Variants in TMEM266 observed in about 807,000 individuals in gnomAD.
TMEM266 encodes the protein transmembrane protein 266.
TMEM266 carries 33 observed loss-of-function variants against 50.5 expected under a neutral mutation model. That is an observed-to-expected ratio of 0.65 (90% CI 0.50 to 0.87). TMEM266 has a LOEUF of 0.87. TMEM266 is among the 40% of genes least tolerant of loss of function. The pLI is 0.00. For synonymous variants in TMEM266, 310 were observed against 292.3 expected, an observed-to-expected ratio of 1.06 and a Z score of -0.62; for missense variants, 655 against 695.1, an observed-to-expected ratio of 0.94 and a Z score of 0.65.
rs1253519425 is a variant in TMEM266 at position 76,153,031 on chromosome 15, C to T, written c.228-3573C>T. On this transcript the variant is annotated intron_variant, in intron 3 of 10. Transcript: ENST00000388942. This position sits in a 1 kb window ranked among gnomAD's most constrained non-coding sequence, Gnocchi z 4.2. ...GAGGCTGAGGAGTGTGCTCTGGTGT[C>T]AGGGCCAGGCCAACTATGGGCTGAC... Among the ~76,000 whole-genome samples, 1 of 152,016 alleles carries T rather than the reference C, an allele frequency of 6.6e-6. No individual in the cohort carries two copies. The highest frequency in any genetic ancestry group is 1.5e-5 in the Non-Finnish European group (1 of 68,014).
intron 1 of TMEM266, among the ~76,000 whole-genome samples, chr15:76,127,856 T>A (rs1475768994): frequency 6.6e-6 from 1 of 152,084 alleles, no homozygotes; most frequent in African/African-American, 2.4e-5. Context: ...GGTCGGTGGG[T>A]CAGCAGATCA....
chr15:76,161,331 G>A lies in TMEM266; in HGVS notation c.456+1163G>A, dbSNP rs553045225. ...CACAGGGGCTCTGGGACCCCGAGACGGGGGGCCTTGAAGGGAGGAAGGATG... is the reference window on the plus strand; with the variant it reads ...CACAGGGGCTCTGGGACCCCGAGACAGGGGGCCTTGAAGGGAGGAAGGATG... On this transcript the variant is annotated intron_variant, in intron 5 of 10. Coordinates refer to ENST00000388942, the MANE Select transcript of TMEM266 (RefSeq NM_152335.3). This position sits in a 1 kb window ranked among gnomAD's most constrained non-coding sequence, Gnocchi z 4.1. Among the ~76,000 whole-genome samples, 12 of 152,220 alleles carry A rather than the reference G, an allele frequency of 7.9e-5. No homozygotes were observed. Among genetic ancestry groups the A allele is most frequent in the South Asian group, 2.1e-4 (1 of 4,802 alleles).
At chr15:76,163,547 C>G (rs1201724851) in intron 5 of TMEM266, among the ~76,000 whole-genome samples, 3 of 152,196 alleles carry the variant, frequency 2.0e-5, no homozygotes, top group Non-Finnish European at 4.4e-5. Flanking sequence ...GCCTTGCAAT[C>G]CAGATGGAGA....
At chr15:76,093,327 C>T (rs1375606954) in intron 1 of TMEM266, among the ~76,000 whole-genome samples, 1 of 151,198 alleles carries the variant, frequency 6.6e-6, no homozygotes, top group Non-Finnish European at 1.5e-5. Flanking sequence ...TGTGATGTTC[C>T]CCTCCCTATG....
At chr15:76,116,267 C>G (rs1398793365) in intron 1 of TMEM266, among the ~76,000 whole-genome samples, 2 of 110,848 alleles carry the variant, frequency 1.8e-5, no homozygotes, top group Admixed American at 2.0e-4. Flanking sequence ...GCTCCCTGTT[C>G]CTCCGCAGTC....
chr15:76,073,625 T>TTA (rs2036567750), intron 1 of TMEM266, among the ~76,000 whole-genome samples: 1 of 152,158 alleles, frequency 6.6e-6, no homozygotes, highest in Non-Finnish European at 1.5e-5. Flanking sequence ...TGTACTTCAG[T>TTA]TATATTGGTT....
At chr15:76,084,746 TCATGCCAC>T (rs1225821144) in intron 1 of TMEM266, among the ~76,000 whole-genome samples, 2 of 149,426 alleles carry the variant, frequency 1.3e-5, no homozygotes, top group Non-Finnish European at 3.0e-5. Context: ...GACTACAGGC[TCATGCCAC>T]CATGCCCGGC....
At chr15:76,137,555 T>C (rs2037610113) in intron 2 of TMEM266, 152 bp from the exon 3 acceptor site, 4 of 735,902 alleles carry the variant, frequency 5.4e-6, no homozygotes, top group Middle Eastern at 2.9e-4. Flanking sequence ...AGTCCTCGGG[T>C]CCGCGGGTGG....
At chr15:76,193,025 C>A (rs1310223668) in intron 9 of TMEM266, among the ~76,000 whole-genome samples, 1 of 152,216 alleles carries the variant, frequency 6.6e-6, no homozygotes, top group East Asian at 1.9e-4. Flanking sequence ...GCCGGGCAGG[C>A]TGAGCAGCTG....
chr15:76,114,788 A>C (rs1209359783), intron 1 of TMEM266, among the ~76,000 whole-genome samples: 1 of 152,056 alleles, frequency 6.6e-6, no homozygotes, highest in Non-Finnish European at 1.5e-5. Context: ...GTTCCGAAAC[A>C]TTTTCATCAC....
intron 7 of TMEM266, 151 bp downstream of exon 7, chr15:76,171,282 C>A: frequency 1.8e-6 from 2 of 1,135,370 alleles, no homozygotes; most frequent in Non-Finnish European, 1.2e-6. Flanking sequence ...GCTGTCCCTG[C>A]TCACTCGCCA....
chr15:76,140,104 G>A (rs2037654101), intron 3 of TMEM266, among the ~76,000 whole-genome samples: 1 of 152,268 alleles, frequency 6.6e-6, no homozygotes, highest in African/African-American at 2.4e-5. Context: ...CTGCAAGGCA[G>A]AGAGGCCTTT....
chr15:76,093,088 A>G (rs1454177595), intron 1 of TMEM266, among the ~76,000 whole-genome samples: 2 of 151,730 alleles, frequency 1.3e-5, no homozygotes, highest in African/African-American at 2.4e-5. Context: ...TTACAGGCGT[A>G]AACCACCGTG....
Position 76,137,750 on chromosome 15 carries a change from C to T in TMEM266, c.82C>T (p.Gln28Ter). 1.9e-6 allele frequency: 3 copies of T among 1,614,210 alleles called. No homozygotes were observed. The highest frequency in any genetic ancestry group is 1.7e-6 in the Non-Finnish European group (2 of 1,180,034). ...AATTTCTGAAGTTGAGATCATCTCCCAACAAGTAGACGAAGAAACCAAGAG... is the reference window on the plus strand; with the variant it reads ...AATTTCTGAAGTTGAGATCATCTCCTAACAAGTAGACGAAGAAACCAAGAG... Residue 28 changes from glutamine to a stop codon, truncating the protein, a stop_gained, in exon 3 of 11, where the codon CAA becomes TAA. Transcript: ENST00000388942. LOFTEE classifies it high-confidence loss of function.
chr15:76,125,173 A>C, intron 1 of TMEM266, among the ~76,000 whole-genome samples: 1 of 152,200 alleles, frequency 6.6e-6, no homozygotes, highest in East Asian at 1.9e-4. Context: ...TGCACCATAC[A>C]TAAAAATCAA....
intron 8 of TMEM266, among the ~76,000 whole-genome samples, chr15:76,188,707 C>A (rs1006228796): frequency 1.1e-4 from 17 of 152,226 alleles, no homozygotes; most frequent in Admixed American, 1.3e-4. Flanking sequence ...AATCACCTCC[C>A]ACTGGGTCCC....
intron 9 of TMEM266, 53 bp downstream of exon 9, chr15:76,192,210 C>A (rs11631826): frequency 2.2e-6 from 3 of 1,379,688 alleles, no homozygotes; most frequent in Non-Finnish European, 2.8e-6. Flanking sequence ...GGATCCCCCT[C>A]GCCTCCCTCT....
intron 1 of TMEM266, among the ~76,000 whole-genome samples, chr15:76,081,223 T>C (rs1031859627): frequency 1.3e-5 from 2 of 152,240 alleles, no homozygotes; most frequent in Non-Finnish European, 2.9e-5. Flanking sequence ...TTTTCTCCCA[T>C]GCTATTGACT....
intron 4 of TMEM266, among the ~76,000 whole-genome samples, chr15:76,157,259 C>A (rs1005954433): frequency 5.3e-5 from 8 of 152,124 alleles, no homozygotes; most frequent in Admixed American, 4.6e-4. Context: ...GTTTTTAAAG[C>A]ATTTTTCCGC....
Sources: gnomAD v4.1 joint callset for allele counts (sites outside exome capture counted in the v4.1 genomes callset) on GRCh38, gnomAD v4.1.1 for gene constraint, Gnocchi (gnomAD v3.1) non-coding constraint, MANE v1.5 for transcripts, NCBI Gene and HGNC (gene_info 2026-07-23, HGNC 2026-07-21) for gene names.